The following KLHL4 variants were observed in gnomAD, a reference collection of about 807,000 sequenced individuals.
KLHL4 encodes the protein kelch like family member 4, also known as kelch-like protein 4.
In KLHL4, 17 loss-of-function variants were observed where a neutral mutation model predicts 45.8. The ratio of observed to expected loss-of-function variants is 0.37; its 90% confidence interval spans 0.25 to 0.56. The LOEUF is 0.56. KLHL4 is among the 20% of genes least tolerant of loss of function. The pLI, the probability that KLHL4 is intolerant of heterozygous loss-of-function variation, is 0.79. For synonymous variants in KLHL4, 224 were observed against 189.9 expected (o/e 1.18, Z -1.47); for missense variants, 544 against 544.9 (o/e 1.00, Z 0.02).
intron 1 of KLHL4, among the ~76,000 whole-genome samples, chrX:87,602,260 A>G (rs1186650143): frequency 9.0e-6 from 1 of 111,202 alleles, no homozygotes; most frequent in Non-Finnish European, 1.9e-5. Flanking sequence ...CTAATTTATT[A>G]TTAAAGATAA....
At chrX:87,575,019 G>T (rs1297571578) in intron 1 of KLHL4, among the ~76,000 whole-genome samples, 1 of 112,004 alleles carries the variant, frequency 8.9e-6, no homozygotes, top group Non-Finnish European at 1.9e-5. Flanking sequence ...TGAAATAGAA[G>T]AAATTGTCAT....
rs999229680 is a variant in KLHL4 at position 87,572,485 on chromosome X, C to T, written c.423-41392C>T. ...AAATAGATATGAGAAGACATATGTTCAATGTTTTTATATAAAAAGCTCTGT... is the reference window on the plus strand; with the variant it reads ...AAATAGATATGAGAAGACATATGTTTAATGTTTTTATATAAAAAGCTCTGT... On this transcript the variant is annotated intron_variant, in intron 1 of 10. Transcript: ENST00000373119. Among the ~76,000 whole-genome samples, 4 of 110,703 alleles carry T rather than the reference C, an allele frequency of 3.6e-5. No homozygotes were observed. In the South Asian group the frequency reaches 1.5e-3, roughly 41 times the overall value.
chrX:87,551,579 A>G (rs1569339564), intron 1 of KLHL4, among the ~76,000 whole-genome samples: 1 of 109,022 alleles, frequency 9.2e-6, no homozygotes, highest in Admixed American at 1.0e-4. Context: ...AGATAGATAA[A>G]TAGATAGGTA....
At chrX:87,640,693 G>A (rs537704854) in intron 9 of KLHL4, among the ~76,000 whole-genome samples, 4 of 111,431 alleles carry the variant, frequency 3.6e-5, no homozygotes, top group African/African-American at 1.3e-4. Context: ...CTTACCTTAA[G>A]GTAATGAAAG....
chrX:87,533,878 A>G (rs1239498614), intron 1 of KLHL4, among the ~76,000 whole-genome samples: 3 of 110,905 alleles, frequency 2.7e-5, no homozygotes, highest in Non-Finnish European at 5.7e-5. Flanking sequence ...GTAGAGCCAC[A>G]ATGAATGAAT....
chrX:87,594,277 A>G (rs1177710024), intron 1 of KLHL4, among the ~76,000 whole-genome samples: 3 of 111,687 alleles, frequency 2.7e-5, no homozygotes, highest in Admixed American at 1.9e-4. Context: ...ATCCTGTTTC[A>G]TAGGTTTTAT....
chrX:87,524,251 T>C (rs1931065155), intron 1 of KLHL4, among the ~76,000 whole-genome samples: 1 of 111,279 alleles, frequency 9.0e-6, no homozygotes, highest in Non-Finnish European at 1.9e-5. Context: ...ATTGCTAAAA[T>C]TTTTTACATT....
At chrX:87,552,094 C>G (rs1455159608) in intron 1 of KLHL4, among the ~76,000 whole-genome samples, 1 of 111,310 alleles carries the variant, frequency 9.0e-6, no homozygotes, top group African/African-American at 3.3e-5. Context: ...AAACAGTCAC[C>G]TGAGTAAACA....
chrX:87,573,188 G>A (rs1162834342), intron 1 of KLHL4, among the ~76,000 whole-genome samples: 1 of 111,270 alleles, frequency 9.0e-6, no homozygotes, highest in Non-Finnish European at 1.9e-5. Context: ...CTATTCAGAG[G>A]AGTTGTTACA....
rs867837459 is a variant in KLHL4, at chrX:87,667,591, T to C, written c.*1057T>C. The C allele has an allele frequency of 2.2e-6, 1 of 463,990 alleles. No homozygotes were observed. The highest frequency in any genetic ancestry group is 1.1e-4 in the South Asian group (1 of 8,998). The allele number at this position is 463,990 out of a possible 1,213,427, so 38.2% of individuals were successfully genotyped here. On this transcript the variant is annotated 3_prime_UTR_variant, in exon 11 of 11. Coordinates refer to ENST00000373119, the MANE Select transcript of KLHL4 (RefSeq NM_019117.5). ...AAAATGTTAGGATATGTGTGCTATA[T>C]AAAAAAAAAAAAAGACTTGTTAAGT...
chrX:87,602,781 G>T (rs1922060261), intron 1 of KLHL4, among the ~76,000 whole-genome samples: 1 of 111,614 alleles, frequency 9.0e-6, no homozygotes, highest in South Asian at 3.7e-4. Context: ...ATATAAAAAT[G>T]AAAGCAGGTT....
In KLHL4 at chrX:87,669,527, A is replaced by G. The variant is rs1924494094; in HGVS notation, c.*2993A>G. 1.3e-6 allele frequency: 1 copy of G among 790,039 alleles called. No homozygotes were observed. The highest frequency in any genetic ancestry group is 1.7e-6 in the Non-Finnish European group (1 of 579,347). 65.1% of individuals were successfully genotyped at this position (790,039 alleles called of 1,213,427 possible). ...AGTTCCAAATGCAATATAGAAAAAAAAACCCTGTGACTCTGGATTTTATTT... is the reference window on the plus strand; with the variant it reads ...AGTTCCAAATGCAATATAGAAAAAAGAACCCTGTGACTCTGGATTTTATTT... On this transcript the variant is annotated 3_prime_UTR_variant, in exon 11 of 11. Transcript: ENST00000373119.
At chrX:87,552,693 T>TTATATA (rs3049243) in intron 1 of KLHL4, among the ~76,000 whole-genome samples, 4 of 88,920 alleles carry the variant, frequency 4.5e-5, no homozygotes, top group Non-Finnish European at 8.6e-5. Flanking sequence ...AACTGTTAAA[T>TTATATA]TATATATATA....
chrX:87,557,441 A>G, intron 1 of KLHL4, among the ~76,000 whole-genome samples: 1 of 111,865 alleles, frequency 8.9e-6, no homozygotes, highest in Admixed American at 9.5e-5. Context: ...ATTATTTTCT[A>G]TGTCAGTTTG....
intron 1 of KLHL4, among the ~76,000 whole-genome samples, chrX:87,520,822 T>C (rs1349438548): frequency 8.9e-6 from 1 of 112,124 alleles, no homozygotes; most frequent in Non-Finnish European, 1.9e-5. Context: ...TTTAACATTG[T>C]ATTATGATAA....
chrX:87,653,939 T>C (rs1923901420), intron 9 of KLHL4, among the ~76,000 whole-genome samples: 1 of 110,376 alleles, frequency 9.1e-6, no homozygotes, highest in Admixed American at 9.7e-5. Flanking sequence ...GGAGAACACA[T>C]GGACACAGGG....
chrX:87,626,255 C>T (rs944218130), intron 6 of KLHL4, among the ~76,000 whole-genome samples: 2 of 110,954 alleles, frequency 1.8e-5, no homozygotes, highest in African/African-American at 6.6e-5. Flanking sequence ...TGGTTCTGTC[C>T]GGAAACGCGA....
At chrX:87,573,732 A>G (rs1921006621) in intron 1 of KLHL4, among the ~76,000 whole-genome samples, 2 of 111,939 alleles carry the variant, frequency 1.8e-5, no homozygotes, top group South Asian at 7.4e-4. Flanking sequence ...CTTTGTGCTC[A>G]ATAAAATGTT....
rs1284820907 is a variant in KLHL4, at chrX:87,526,261, C to G, written c.422+7946C>G. 6.3e-5 allele frequency among the ~76,000 whole-genome samples: 7 copies of G among 111,893 alleles called. No individual in the cohort carries two copies. In the East Asian group the frequency reaches 2.0e-3, roughly 31 times the overall value. On this transcript the variant is annotated intron_variant, in intron 1 of 10. Coordinates refer to ENST00000373119, the MANE Select transcript of KLHL4 (RefSeq NM_019117.5). ...TAGTCTGAAGTATGTTGCAACGTGC[C>G]AAAATTCAGTTGTTTAAGATGTTGG...
Sources: allele counts gnomAD v4.1 joint callset (sites outside exome capture counted in the v4.1 genomes callset), GRCh38; gene constraint gnomAD v4.1.1; transcripts MANE v1.5; gene names NCBI Gene and HGNC (gene_info 2026-07-23, HGNC 2026-07-21).